Variants in LAMA2 observed in about 807,000 individuals in gnomAD.
The protein encoded by LAMA2 is laminin subunit alpha 2.
A neutral mutation model predicts 364.8 loss-of-function variants in LAMA2; 269 were observed. The observed-to-expected ratio is 0.74, with a 90% CI of 0.67 to 0.82. LAMA2 has a LOEUF of 0.82. Among genes scored for constraint, LAMA2 ranks in the 40% least tolerant of loss-of-function variants. The pLI is 0.00. For synonymous variants in LAMA2, 1,379 were observed against 1,370.6 expected, an observed-to-expected ratio of 1.01 and a Z score of -0.14; for missense variants, 3,807 against 3,873.2, an observed-to-expected ratio of 0.98 and a Z score of 0.45.
At chr6:129,373,492 A>G (rs962880366) in intron 34 of LAMA2, among the ~76,000 whole-genome samples, 6 of 152,176 alleles carry the variant, frequency 3.9e-5, no homozygotes, top group Non-Finnish European at 8.8e-5. Context: ...TAGCTCATAT[A>G]CATGAGCTAA....
chr6:129,427,955 T>G, intron 41 of LAMA2, 101 bp downstream of exon 41: 1 of 811,722 alleles, frequency 1.2e-6, no homozygotes, highest in Non-Finnish European at 2.1e-6. Flanking sequence ...TTAGCATGAT[T>G]TTTGTGATGA....
chr6:129,313,208 C>T, intron 23 of LAMA2, 111 bp downstream of exon 23: 1 of 679,588 alleles, frequency 1.5e-6, no homozygotes, highest in South Asian at 2.0e-5. Context: ...GCTAAACAAA[C>T]AGATGGACAA....
intron 15 of LAMA2, 80 bp downstream of exon 15, chr6:129,260,902 G>GT (rs113695800): frequency 1.1e-4 from 97 of 846,414 alleles, no homozygotes; most frequent in Middle Eastern, 4.4e-4. Context: ...AATAAGAGCT[G>GT]TTTTTTTTCT....
intron 21 of LAMA2, 69 bp downstream of exon 21, chr6:129,297,934 T>C: frequency 7.4e-7 from 1 of 1,351,542 alleles, no homozygotes; most frequent in Non-Finnish European, 1.0e-6. Flanking sequence ...CTGTAACAGT[T>C]TGTTCTTTTA....
chr6:129,478,546 C>T, intron 53 of LAMA2, 147 bp from the exon 54 acceptor site: 1 of 789,110 alleles, frequency 1.3e-6, no homozygotes, highest in South Asian at 1.5e-5. Context: ...ACAATGGAAA[C>T]CAGAGTTTGC....
rs545258660 is a variant in LAMA2 at position 128,943,182 on chromosome 6, A to G, written c.112+59825A>G. 2.6e-5 allele frequency among the ~76,000 whole-genome samples: 4 copies of G among 152,294 alleles called. No individual in the cohort carries two copies. In the South Asian group the frequency reaches 8.3e-4, roughly 32 times the overall value. ...TGTGTGTGTGTATATATATAAACACATACGCACAAGAAGACTGTCTCTCTG... is the reference window on the plus strand; with the variant it reads ...TGTGTGTGTGTATATATATAAACACGTACGCACAAGAAGACTGTCTCTCTG... On this transcript the variant is annotated intron_variant, in intron 1 of 64. Coordinates refer to ENST00000421865, the MANE Select transcript of LAMA2 (RefSeq NM_000426.4).
At chr6:128,938,486 A>G (rs898797729) in intron 1 of LAMA2, among the ~76,000 whole-genome samples, 1 of 152,154 alleles carries the variant, frequency 6.6e-6, no homozygotes, top group Non-Finnish European at 1.5e-5. Context: ...TTCAGCCACC[A>G]GTTGTATATA....
chr6:128,996,001 A>G (rs918398096), intron 1 of LAMA2, among the ~76,000 whole-genome samples: 7 of 152,154 alleles, frequency 4.6e-5, no homozygotes, highest in African/African-American at 1.7e-4. Flanking sequence ...TGATAGTATC[A>G]ACATGACAAA....
chr6:129,369,353 A>G (rs1777943374), intron 33 of LAMA2, among the ~76,000 whole-genome samples: 1 of 152,082 alleles, frequency 6.6e-6, no homozygotes, highest in South Asian at 2.1e-4. Context: ...GTTCCATAGG[A>G]AAAAAATATG....
intron 1 of LAMA2, among the ~76,000 whole-genome samples, chr6:128,965,131 T>A (rs1462542820): frequency 6.6e-6 from 1 of 151,988 alleles, no homozygotes; most frequent in Non-Finnish European, 1.5e-5. Flanking sequence ...ATGAAAAAAA[T>A]ATACTTTCAA....
chr6:129,135,299 G>A (rs566956382), intron 4 of LAMA2, among the ~76,000 whole-genome samples: 1 of 152,244 alleles, frequency 6.6e-6, no homozygotes, highest in East Asian at 1.9e-4. Context: ...TCTCACTAGT[G>A]GTGAGCTTTC....
intron 61 of LAMA2, among the ~76,000 whole-genome samples, chr6:129,507,285 A>AGTT (rs1236969354): frequency 6.6e-6 from 1 of 152,126 alleles, no homozygotes; most frequent in East Asian, 1.9e-4. Flanking sequence ...GACACATCCA[A>AGTT]GTTGAGAAGC....
At position 129,464,462 on chromosome 6, in the gene LAMA2, A is replaced by T. The variant is rs960424323; in HGVS notation, c.7155+10A>T. 6.2e-7 allele frequency: 1 copy of T among 1,607,874 alleles called. No individual in the cohort carries two copies. Among genetic ancestry groups the T allele is most frequent in the Non-Finnish European group, 8.5e-7 (1 of 1,174,822 alleles). On this transcript the variant is annotated intron_variant, in intron 50 of 64. Transcript: ENST00000421865. ...TGCCACACGAGACCTGGTAAAGATC[A>T]TATGCATAGCAGAGTTTCCGTGACT...
At chr6:129,279,109 G>C (rs1254609811) in intron 17 of LAMA2, among the ~76,000 whole-genome samples, 1 of 152,148 alleles carries the variant, frequency 6.6e-6, no homozygotes, top group Non-Finnish European at 1.5e-5. Flanking sequence ...AATCTACTTA[G>C]GGAAAACATA....
rs180691355 is a variant in LAMA2, at chr6:129,017,513, G to A, written c.113-32405G>A. Among the ~76,000 whole-genome samples, 213 of 151,866 alleles carry A rather than the reference G, an allele frequency of 1.4e-3. 3 individuals carry two copies. The highest frequency in any genetic ancestry group is 0.014 in the Admixed American group (206 of 15,228). ...CTGTCAGATACGACAGGTGAACTTTGGTAACATAAGGCCTAGCAAAGTTTT... is the reference window on the plus strand; with the variant it reads ...CTGTCAGATACGACAGGTGAACTTTAGTAACATAAGGCCTAGCAAAGTTTT... On this transcript the variant is annotated intron_variant, in intron 1 of 64. Transcript: ENST00000421865.
intron 15 of LAMA2, among the ~76,000 whole-genome samples, chr6:129,261,593 GTT>G (rs1787140766): frequency 6.6e-6 from 1 of 152,204 alleles, no homozygotes; most frequent in Admixed American, 6.5e-5. Flanking sequence ...TAGGAGCTTA[GTT>G]TCTTTAAAAT....
At chr6:129,186,337 C>A (rs1781230273) in intron 10 of LAMA2, among the ~76,000 whole-genome samples, 2 of 151,766 alleles carry the variant, frequency 1.3e-5, no homozygotes, top group East Asian at 3.9e-4. Flanking sequence ...AGGTACAAAA[C>A]TTTTACCTTC....
intron 1 of LAMA2, among the ~76,000 whole-genome samples, chr6:128,947,770 T>C (rs2114559523): frequency 6.6e-6 from 1 of 152,252 alleles, no homozygotes; most frequent in South Asian, 2.1e-4. Flanking sequence ...ATAGAGATTG[T>C]GGGACATAGA....
rs115427907 is a variant in LAMA2, at chr6:128,921,059, G to A, written c.112+37702G>A. Among the ~76,000 whole-genome samples the A allele has an allele frequency of 4.1e-3, 628 of 152,192 alleles. 5 individuals carry two copies. The highest frequency in any genetic ancestry group is 0.014 in the African/African-American group (591 of 41,518). On this transcript the variant is annotated intron_variant, in intron 1 of 64. Coordinates refer to ENST00000421865, the MANE Select transcript of LAMA2 (RefSeq NM_000426.4). ...CAGGGGCACTTAAAAAGCCTGAAAC[G>A]CGTATCTTGCCTGCAATGTACAAAC...
Sources: allele counts gnomAD v4.1 joint callset (sites outside exome capture counted in the v4.1 genomes callset), GRCh38; gene constraint gnomAD v4.1.1; transcripts MANE v1.5; gene names NCBI Gene and HGNC (gene_info 2026-07-23, HGNC 2026-07-21).